LRMDA: variants seen among roughly 807,000 people sequenced by gnomAD.
LRMDA encodes leucine-rich melanocyte differentiation-associated protein.
Under a neutral mutation model 29.8 loss-of-function variants are expected in LRMDA, and 18 were observed. That is an observed-to-expected ratio of 0.60 (90% CI 0.42 to 0.90). LRMDA has a LOEUF of 0.90. Ranked by LOEUF, LRMDA falls within the 40% of genes least tolerant of loss-of-function variation. LRMDA has a pLI of 0.00. For synonymous variants in LRMDA, 125 were observed against 109.4 expected, an observed-to-expected ratio of 1.14 and a Z score of -0.89; for missense variants, 273 against 273.9, an observed-to-expected ratio of 1.00 and a Z score of 0.02.
chr10:76,134,462 C>T (rs1426956547), intron 5 of LRMDA, among the ~76,000 whole-genome samples: 2 of 152,266 alleles, frequency 1.3e-5, no homozygotes, highest in South Asian at 4.1e-4. Context: ...AAAATATCAC[C>T]TCGCATATGG....
chr10:75,962,241 C>T (rs535564411), intron 2 of LRMDA, among the ~76,000 whole-genome samples: 1 of 152,282 alleles, frequency 6.6e-6, no homozygotes, highest in Non-Finnish European at 1.5e-5. Flanking sequence ...AGAGTGGCCC[C>T]ACAAGCAAGT....
intron 2 of LRMDA, among the ~76,000 whole-genome samples, chr10:75,481,600 A>C (rs1290788017): frequency 6.6e-6 from 1 of 152,212 alleles, no homozygotes; most frequent in African/African-American, 2.4e-5. Context: ...GTAACCTCTT[A>C]AGAGGTCCAC....
At position 76,486,329 on chromosome 10, in the gene LRMDA, G is replaced by T. The variant is rs1842782030; in HGVS notation, c.602-70880G>T. 3.3e-5 allele frequency among the ~76,000 whole-genome samples: 5 copies of T among 151,862 alleles called. 1 individual carries two copies. The South Asian group carries it at 1.0e-3, about 31-fold the overall frequency. ...TATTCCCTGAAGCTGCCCAGTGCAT[G>T]CATTAGTCAAGGCTTCATCTAGGAC... On this transcript the variant is annotated intron_variant, in intron 6 of 6. Coordinates refer to ENST00000611255, the MANE Select transcript of LRMDA (RefSeq NM_001305581.2).
chr10:75,825,938 G>A (rs543429660), intron 2 of LRMDA, among the ~76,000 whole-genome samples: 90 of 152,292 alleles, frequency 5.9e-4, no homozygotes, highest in Non-Finnish European at 7.8e-4. Context: ...CATGTGGAAC[G>A]TCAAAGTCAA....
intron 6 of LRMDA, among the ~76,000 whole-genome samples, chr10:76,370,261 C>CA (rs1036094216): frequency 6.6e-6 from 1 of 151,944 alleles, no homozygotes. Context: ...AACAAACAAA[C>CA]AAAAAACCCA....
At chr10:75,738,395 G>A (rs1299056552) in intron 2 of LRMDA, among the ~76,000 whole-genome samples, 1 of 151,882 alleles carries the variant, frequency 6.6e-6, no homozygotes, top group Non-Finnish European at 1.5e-5. Context: ...CCTCACTATT[G>A]GACTCTCCTT....
chr10:76,146,262 C>T (rs562842394), intron 5 of LRMDA, among the ~76,000 whole-genome samples: 7 of 151,992 alleles, frequency 4.6e-5, no homozygotes, highest in East Asian at 3.9e-4. Flanking sequence ...CTTTCTGTCT[C>T]GTTGATCTGT....
intron 2 of LRMDA, among the ~76,000 whole-genome samples, chr10:75,462,925 A>G (rs1844604442): frequency 6.6e-6 from 1 of 152,208 alleles, no homozygotes; most frequent in Admixed American, 6.5e-5. Context: ...GAGAAGCATA[A>G]TGAAATAAAA....
At chr10:75,608,129 T>TATATATATATAGACAC (rs11271217) in intron 2 of LRMDA, among the ~76,000 whole-genome samples, 1 of 89,548 alleles carries the variant, frequency 1.1e-5, no homozygotes, top group Non-Finnish European at 2.7e-5. Context: ...TATATATATA[T>TATATATATATAGACAC]ACACACACAT....
chr10:75,652,825 T>C (rs1488844065), intron 2 of LRMDA, among the ~76,000 whole-genome samples: 1 of 152,198 alleles, frequency 6.6e-6, no homozygotes, highest in Non-Finnish European at 1.5e-5. Context: ...CTGTTTCTAG[T>C]TTAAACATAA....
chr10:76,290,950 C>G (rs1303144505), intron 5 of LRMDA, among the ~76,000 whole-genome samples: 1 of 152,130 alleles, frequency 6.6e-6, no homozygotes, highest in Non-Finnish European at 1.5e-5. Context: ...ATGTTGACCT[C>G]TAATTAAAAT....
At chr10:75,927,039 A>G (rs1192374603) in intron 2 of LRMDA, among the ~76,000 whole-genome samples, 4 of 152,186 alleles carry the variant, frequency 2.6e-5, no homozygotes, top group Non-Finnish European at 5.9e-5. Context: ...CTCAAGTTGC[A>G]CCATCAGGGA....
At chr10:75,590,323 G>C (rs1359669727) in intron 2 of LRMDA, among the ~76,000 whole-genome samples, 3 of 152,110 alleles carry the variant, frequency 2.0e-5, no homozygotes, top group Non-Finnish European at 4.4e-5. Context: ...CCAGCCGGAA[G>C]CTGATTTTTA....
rs114028150 is a variant in LRMDA at position 75,566,293 on chromosome 10, G to A, written c.131+127799G>A. ...CTTCCTGAAAGAGTTATGTCCACTC[G>A]TGTTCTTCACATGCTCACCTCCCAT... On this transcript the variant is annotated intron_variant, in intron 2 of 6. Transcript: ENST00000611255. Among the ~76,000 whole-genome samples, 13 of 152,054 alleles carry A rather than the reference G, an allele frequency of 8.5e-5. No individual in the cohort carries two copies. In the South Asian group the frequency reaches 2.3e-3, roughly 27 times the overall value.
At chr10:75,590,723 AGT>A (rs1005838053) in intron 2 of LRMDA, among the ~76,000 whole-genome samples, 1 of 125,330 alleles carries the variant, frequency 8.0e-6, no homozygotes, top group Non-Finnish European at 1.7e-5. Context: ...ACAATAAAAT[AGT>A]CTTTTTTTTT....
chr10:76,089,367 T>C (rs1192320882), intron 5 of LRMDA, among the ~76,000 whole-genome samples: 1 of 152,222 alleles, frequency 6.6e-6, no homozygotes, highest in Non-Finnish European at 1.5e-5. Flanking sequence ...GACTTAAGAA[T>C]GAGTTGGGGA....
chr10:76,401,699 G>A (rs1841850601), intron 6 of LRMDA, among the ~76,000 whole-genome samples: 1 of 152,140 alleles, frequency 6.6e-6, no homozygotes, highest in Non-Finnish European at 1.5e-5. Flanking sequence ...TACCTGGGAG[G>A]ATCTGTACTT....
intron 2 of LRMDA, among the ~76,000 whole-genome samples, chr10:75,579,117 A>G (rs1334071218): frequency 6.6e-6 from 1 of 152,356 alleles, no homozygotes; most frequent in African/African-American, 2.4e-5. Flanking sequence ...CTTCAAAAAA[A>G]TCAATGAATC....
At chr10:75,921,120 G>A (rs1178697737) in intron 2 of LRMDA, among the ~76,000 whole-genome samples, 1 of 152,118 alleles carries the variant, frequency 6.6e-6, no homozygotes, top group Non-Finnish European at 1.5e-5. Context: ...ATGAGATTTG[G>A]CAATAAGAAA....
Sources: gnomAD v4.1 joint callset for allele counts (sites outside exome capture counted in the v4.1 genomes callset) on GRCh38, gnomAD v4.1.1 for gene constraint, MANE v1.5 for transcripts, NCBI Gene and HGNC (gene_info 2026-07-23, HGNC 2026-07-21) for gene names.